Variants in DENND5B observed in about 807,000 individuals in gnomAD.
DENND5B encodes the protein DENN domain containing 5B.
DENND5B carries 34 observed loss-of-function variants against 140.6 expected under a neutral mutation model. The observed-to-expected ratio is 0.24, with a 90% CI of 0.18 to 0.32. DENND5B has a LOEUF of 0.32. Ranked by LOEUF, DENND5B falls within the 10% of genes least tolerant of loss-of-function variation. The pLI, the probability that DENND5B is intolerant of heterozygous loss-of-function variation, is 1.00. For synonymous variants in DENND5B, 551 were observed against 562.1 expected (o/e 0.98, Z 0.28); for missense variants, 1,142 against 1,560.2 (o/e 0.73, Z 4.52).
intron 7 of DENND5B, among the ~76,000 whole-genome samples, chr12:31,436,078 T>C (rs1943740695): frequency 6.7e-6 from 1 of 149,354 alleles, no homozygotes; most frequent in African/African-American, 2.5e-5. Context: ...GGATTACAGG[T>C]GTGTCTGTTC....
intron 13 of DENND5B, among the ~76,000 whole-genome samples, chr12:31,412,208 A>C (rs1215767470): frequency 6.6e-6 from 1 of 152,174 alleles, no homozygotes; most frequent in East Asian, 1.9e-4. Context: ...TTGGCCTCCC[A>C]AAGTGTTGGG....
At chr12:31,513,060 C>T (rs1947488569) in intron 1 of DENND5B, among the ~76,000 whole-genome samples, 1 of 152,090 alleles carries the variant, frequency 6.6e-6, no homozygotes, top group Non-Finnish European at 1.5e-5. Flanking sequence ...CTCACATTTT[C>T]CTTGTTTTAG....
At chr12:31,462,861 A>G (rs1405332294) in intron 3 of DENND5B, among the ~76,000 whole-genome samples, 5 of 152,190 alleles carry the variant, frequency 3.3e-5, no homozygotes, top group Non-Finnish European at 7.4e-5. Flanking sequence ...TGGGAGGCTA[A>G]GGCAGGAGAA....
chr12:31,471,461 ATTTTTTTTTT>A (rs747862984), intron 3 of DENND5B, among the ~76,000 whole-genome samples: 2 of 111,934 alleles, frequency 1.8e-5, no homozygotes, highest in Non-Finnish European at 3.4e-5. Context: ...CCATGCCTGT[ATTTTTTTTTT>A]TTTTTTTTTT....
At chr12:31,448,717 G>T (rs973009788) in intron 5 of DENND5B, among the ~76,000 whole-genome samples, 1 of 152,030 alleles carries the variant, frequency 6.6e-6, no homozygotes, top group Admixed American at 6.6e-5. Context: ...ACTAAAAAAG[G>T]CACTGCCTGG....
chr12:31,494,001 C>T (rs1454028294), intron 2 of DENND5B, among the ~76,000 whole-genome samples: 3 of 151,938 alleles, frequency 2.0e-5, no homozygotes, highest in African/African-American at 4.8e-5. Context: ...TTTGGGGCCC[C>T]CTGAATTATA....
chr12:31,417,645 T>C (rs1942818348), intron 11 of DENND5B, among the ~76,000 whole-genome samples: 1 of 152,104 alleles, frequency 6.6e-6, no homozygotes, highest in Non-Finnish European at 1.5e-5. Flanking sequence ...TTTTGTCTCT[T>C]ATGTATGAAA....
rs185337387 is a variant in DENND5B, at chr12:31,469,898, C to T, written c.905-9517G>A. 1.4e-3 allele frequency among the ~76,000 whole-genome samples: 213 copies of T among 152,166 alleles called. 3 individuals carry two copies. The highest frequency in any genetic ancestry group is 5.0e-3 in the African/African-American group (207 of 41,502). On this transcript the variant is annotated intron_variant, in intron 3 of 20. Coordinates refer to ENST00000389082, the MANE Select transcript of DENND5B (RefSeq NM_144973.4). The stretch of plus-strand genomic sequence containing the variant: ...TGCCATGAGTAGATGCTTCCCAAGG[C>T]CCTCATCAGAAGCAGGTGCTAGCAC...
intron 2 of DENND5B, among the ~76,000 whole-genome samples, chr12:31,494,683 G>C (rs1484549644): frequency 6.6e-6 from 1 of 152,090 alleles, no homozygotes; most frequent in Non-Finnish European, 1.5e-5. Context: ...CTTCACTTCA[G>C]CCTCTGATTG....
At chr12:31,516,621 A>G (rs1947663830) in intron 1 of DENND5B, among the ~76,000 whole-genome samples, 1 of 152,116 alleles carries the variant, frequency 6.6e-6, no homozygotes, top group Non-Finnish European at 1.5e-5. Context: ...AAAACAATAT[A>G]CGATTTATGT....
At chr12:31,518,911 T>C (rs1320665299) in intron 1 of DENND5B, among the ~76,000 whole-genome samples, 1 of 152,216 alleles carries the variant, frequency 6.6e-6, no homozygotes. Flanking sequence ...TAGAATTGTT[T>C]TAGGGCTAAT....
intron 1 of DENND5B, 122 bp downstream of exon 1, chr12:31,590,584 G>A: frequency 1.7e-6 from 2 of 1,187,468 alleles, no homozygotes; most frequent in Non-Finnish European, 2.2e-6. Flanking sequence ...CGGCCAGAAA[G>A]CGGCGGGAGG....
At chr12:31,437,459 A>G (rs921776557) in intron 7 of DENND5B, among the ~76,000 whole-genome samples, 1 of 152,170 alleles carries the variant, frequency 6.6e-6, no homozygotes, top group African/African-American at 2.4e-5. Flanking sequence ...TATAAATACA[A>G]TTAAGTAAAC....
intron 1 of DENND5B, among the ~76,000 whole-genome samples, chr12:31,526,110 AGTT>A (rs1948075444): frequency 6.6e-6 from 1 of 152,206 alleles, no homozygotes; most frequent in Admixed American, 6.5e-5. Flanking sequence ...CTGTCAAACC[AGTT>A]GTTATTACAG....
intron 1 of DENND5B, among the ~76,000 whole-genome samples, chr12:31,551,028 TG>T (rs1443373776): frequency 2.0e-5 from 3 of 152,174 alleles, no homozygotes; most frequent in African/African-American, 7.2e-5. Context: ...TTCACTCTGA[TG>T]GTAGTTTCTT....
At chr12:31,437,035 A>G (rs1270932617) in intron 7 of DENND5B, among the ~76,000 whole-genome samples, 2 of 152,216 alleles carry the variant, frequency 1.3e-5, no homozygotes, top group Non-Finnish European at 2.9e-5. Context: ...TATCTATCAC[A>G]GAGTATTATA....
chr12:31,557,000 TAA>T (rs1446575676), intron 1 of DENND5B, among the ~76,000 whole-genome samples: 2 of 152,174 alleles, frequency 1.3e-5, no homozygotes, highest in African/African-American at 4.8e-5. Context: ...GAATCTATAG[TAA>T]GAGAATCTGT....
At chr12:31,389,540 A>G (rs966680061) in intron 19 of DENND5B, 42 bp from the exon 20 acceptor site, 8 of 1,519,500 alleles carry the variant, frequency 5.3e-6, no homozygotes, top group Non-Finnish European at 7.1e-6. Context: ...ATGTGTCAAC[A>G]CTTCATATAT....
intron 15 of DENND5B, among the ~76,000 whole-genome samples, chr12:31,402,165 T>C (rs904461492): frequency 6.6e-6 from 1 of 151,566 alleles, no homozygotes; most frequent in Non-Finnish European, 1.5e-5. Flanking sequence ...CATTTTACAG[T>C]AGGGAGGAGA....
Sources: allele counts gnomAD v4.1 joint callset (sites outside exome capture counted in the v4.1 genomes callset), GRCh38; gene constraint gnomAD v4.1.1; transcripts MANE v1.5; gene names NCBI Gene and HGNC (gene_info 2026-07-23, HGNC 2026-07-21).